Variants in LPIN1 observed in about 807,000 individuals in gnomAD.
The protein encoded by LPIN1 is phosphatidate phosphatase LPIN1.
Under a neutral mutation model 107.5 loss-of-function variants are expected in LPIN1, and 71 were observed. That is an observed-to-expected ratio of 0.66 (90% CI 0.55 to 0.80). LPIN1 has a LOEUF of 0.80. LPIN1 is among the 30% of genes least tolerant of loss of function. LPIN1 has a pLI of 0.00. For synonymous variants in LPIN1, 445 were observed against 452.6 expected (o/e 0.98, Z 0.21); for missense variants, 1,043 against 1,160.6 (o/e 0.90, Z 1.47).
Position 11,713,628 on chromosome 2 carries a change from C to T in LPIN1, c.82-128C>T, listed in dbSNP as rs527385215. 3.9e-5 allele frequency: 23 copies of T among 595,496 alleles called. No homozygotes were observed. The East Asian group carries it at 4.7e-4, about 12-fold the overall frequency. The allele number at this position is 595,496 out of a possible 1,614,324, so 36.9% of individuals were successfully genotyped here. A position where few individuals can be genotyped will look rare whatever the true frequency, so the allele number is the denominator to read the frequency against. ...AATTGGCATATAGCCTACATACCACCGAATTCACCATGTTCAAAATGTAGA... is the reference window on the plus strand; with the variant it reads ...AATTGGCATATAGCCTACATACCACTGAATTCACCATGTTCAAAATGTAGA... On this transcript the variant is annotated intron_variant, in intron 1 of 21. Transcript: ENST00000449576.
intron 1 of LPIN1, among the ~76,000 whole-genome samples, chr2:11,726,186 C>A (rs112088789): frequency 0.023 from 3,441 of 152,270 alleles, 122 homozygotes; most frequent in African/African-American, 0.075. Flanking sequence ...GAAATGTCCG[C>A]CATAGCCAGA....
intron 1 of LPIN1, 38 bp downstream of exon 1, chr2:11,746,709 A>T: frequency 1.0e-6 from 1 of 959,564 alleles, no homozygotes; most frequent in Non-Finnish European, 1.2e-6. Flanking sequence ...GCTGTGGAGC[A>T]GGGGCCGCAG....
At chr2:11,726,838 C>T (rs1664714292) in intron 1 of LPIN1, among the ~76,000 whole-genome samples, 1 of 152,218 alleles carries the variant, frequency 6.6e-6, no homozygotes, top group Non-Finnish European at 1.5e-5. Flanking sequence ...CTATTCTCTC[C>T]TAGTCTTTCA....
At position 11,824,765 on chromosome 2, in the gene LPIN1, C is replaced by G. The variant is rs1376846811; in HGVS notation, c.2755C>G (p.Gln919Glu). 4.3e-6 allele frequency: 7 copies of G among 1,614,072 alleles called. No individual in the cohort carries two copies. Among genetic ancestry groups the G allele is most frequent in the South Asian group, 1.1e-5 (1 of 91,088 alleles). Residue 919 changes from glutamine to glutamate, a missense_variant, in exon 21 of 21, where the codon CAG becomes GAG. Transcript: ENST00000674199. ...WREPLPPFEN[Q>E]DIHSASA is the part of the protein sequence containing the mutation. ...AGAGCCACTGCCACCTTTTGAAAAC[C>G]AGGACATTCATTCTGCCTCAGCGTA...
intron 13 of LPIN1, among the ~76,000 whole-genome samples, chr2:11,794,412 A>G (rs1331867446): frequency 6.6e-6 from 1 of 152,212 alleles, no homozygotes; most frequent in African/African-American, 2.4e-5. Context: ...TATTTGGGAA[A>G]TAGTCTAAGA....
At chr2:11,714,548 G>A (rs985711592) in intron 2 of LPIN1, among the ~76,000 whole-genome samples, 3 of 152,258 alleles carry the variant, frequency 2.0e-5, no homozygotes, top group Non-Finnish European at 2.9e-5. Context: ...CTTTCTCCTC[G>A]GGCCTTCACC....
At chr2:11,785,148 A>T (rs1674326425) in intron 10 of LPIN1, 72 bp downstream of exon 10, 1 of 1,195,918 alleles carries the variant, frequency 8.4e-7, no homozygotes, top group Non-Finnish European at 1.1e-6. Flanking sequence ...GGCTTCTCCA[A>T]GGAGTGCGTG....
At chr2:11,748,787 T>A (rs1227616513) in intron 1 of LPIN1, among the ~76,000 whole-genome samples, 2 of 151,868 alleles carry the variant, frequency 1.3e-5, no homozygotes, top group Non-Finnish European at 2.9e-5. Flanking sequence ...CCAATGGGGG[T>A]AGTCGAGGGG....
chr2:11,764,076 GTGTATATATATA>G (rs1239440209), intron 1 of LPIN1: 1 of 57,656 alleles, frequency 1.7e-5, no homozygotes, highest in African/African-American at 9.6e-5. Context: ...GTGTGTGTGT[GTGTATATATATA>G]TATATATATA....
At chr2:11,721,205 T>A (rs759554993), upstream of LPIN1, among the ~76,000 whole-genome samples, 32 of 151,516 alleles carry the variant, frequency 2.1e-4, no homozygotes, top group Non-Finnish European at 3.5e-4. Context: ...TCCCTTGAGA[T>A]GAATAGAGAT....
At chr2:11,784,640 T>G (rs557462728) in intron 9 of LPIN1, 172 of 576,236 alleles carry the variant, frequency 3.0e-4, no homozygotes, top group South Asian at 2.1e-3. Context: ...ACAGCTTGCT[T>G]CTTCTTCAGT....
In LPIN1 at chr2:11,753,581, G is replaced by A. The variant is rs1481259500; in HGVS notation, c.-10+6910G>A. On this transcript the variant is annotated intron_variant, in intron 1 of 20. Transcript: ENST00000674199. ...GTGTGTGCCAGTTACAGCAGGGCGT[G>A]GGCTGCTGCCCAGGTGGCCTGACTT... 5.9e-5 allele frequency among the ~76,000 whole-genome samples: 9 copies of A among 152,324 alleles called. No homozygotes were observed. In the East Asian group the frequency reaches 1.2e-3, roughly 20 times the overall value.
At position 11,784,438 on chromosome 2, in the gene LPIN1, C is replaced by T. The variant is rs114223591; in HGVS notation, c.1359-448C>T. On this transcript the variant is annotated intron_variant, in intron 9 of 20. Coordinates refer to ENST00000674199, the MANE Select transcript of LPIN1 (RefSeq NM_001349206.2). ...CCACCTCTGGACAGGGGCGCAGCAC[C>T]GGGCTGCCCTCCCTGCAAAGCCTGA... is the stretch of plus-strand genomic sequence containing the variant. The T allele has an allele frequency of 7.1e-4, 791 of 1,108,938 alleles. 9 individuals carry two copies. In the African/African-American group the frequency reaches 0.012, roughly 17 times the overall value. The allele number at this position is 1,108,938 out of a possible 1,614,324, so 68.7% of individuals were successfully genotyped here.
At chr2:11,785,173 C>T in intron 10 of LPIN1, 97 bp downstream of exon 10, 2 of 928,712 alleles carry the variant, frequency 2.2e-6, no homozygotes, top group Non-Finnish European at 3.1e-6. Flanking sequence ...GGCAGCTTTT[C>T]CCTTGGTTGC....
intron 1 of LPIN1, among the ~76,000 whole-genome samples, chr2:11,702,117 A>T (rs1328612421): frequency 3.3e-5 from 5 of 152,192 alleles, no homozygotes; most frequent in Non-Finnish European, 1.5e-5. Flanking sequence ...ACGGGTCCCT[A>T]AAGACAGGAG....
intron 1 of LPIN1, among the ~76,000 whole-genome samples, chr2:11,759,879 C>T (rs1430473273): frequency 4.8e-5 from 7 of 145,142 alleles, no homozygotes; most frequent in African/African-American, 1.3e-4. Context: ...ACCTCCCTCC[C>T]GGACGGGGTG....
intron 1 of LPIN1, among the ~76,000 whole-genome samples, chr2:11,689,026 G>A (rs540973832): frequency 9.9e-5 from 15 of 152,218 alleles, no homozygotes; most frequent in Non-Finnish European, 1.6e-4. Flanking sequence ...TTGAGCAGCC[G>A]ACTTGTATAA....
chr2:11,744,442 TC>T (rs539855362), upstream of LPIN1, among the ~76,000 whole-genome samples: 25 of 151,998 alleles, frequency 1.6e-4, no homozygotes, highest in African/African-American at 6.0e-4. Context: ...TACAAAAGGC[TC>T]CCCCCAACCC....
At position 11,803,454 on chromosome 2, in the gene LPIN1, A is replaced by G. The variant is rs1678129525; in HGVS notation, c.2013+421A>G. ...GTTGTGATAGAATTTAGAGAATTTC[A>G]GGTAACCAGGGGCATCACCTGGTCA... On this transcript the variant is annotated intron_variant, in intron 15 of 20. Coordinates refer to ENST00000674199, the MANE Select transcript of LPIN1 (RefSeq NM_001349206.2). The surrounding 1 kb of genome is among the most constrained non-coding windows in gnomAD (Gnocchi z 4.2). Among the ~76,000 whole-genome samples the G allele has an allele frequency of 6.6e-6, 1 of 152,198 alleles. No individual in the cohort carries two copies. The highest frequency in any genetic ancestry group is 2.4e-5 in the African/African-American group (1 of 41,436).
Sources: gnomAD v4.1 joint callset for allele counts (sites outside exome capture counted in the v4.1 genomes callset) on GRCh38, gnomAD v4.1.1 for gene constraint, Gnocchi (gnomAD v3.1) non-coding constraint, MANE v1.5 for transcripts, NCBI Gene and HGNC (gene_info 2026-07-23, HGNC 2026-07-21) for gene names.